The following AHI1 variants were observed in gnomAD, a reference collection of about 807,000 sequenced individuals.
AHI1 encodes the protein jouberin.
AHI1 carries 123 observed loss-of-function variants against 149.3 expected under a neutral mutation model. The ratio of observed to expected loss-of-function variants is 0.82; its 90% CI spans 0.71 to 0.96. AHI1 has a LOEUF of 0.96. Among genes scored for constraint, AHI1 ranks in the 40% least tolerant of loss-of-function variants. The pLI, the probability that AHI1 is intolerant of heterozygous loss-of-function variation, is 0.00. For missense variants in AHI1, 1,439 were observed against 1,422.7 expected (o/e 1.01, Z -0.18); for synonymous variants, 475 against 459.8 (o/e 1.03, Z -0.42).
At chr6:135,353,660 A>G (rs1792509108) in intron 24 of AHI1, among the ~76,000 whole-genome samples, 1 of 152,142 alleles carries the variant, frequency 6.6e-6, no homozygotes, top group African/African-American at 2.4e-5. Flanking sequence ...ACAGCTATTG[A>G]GTAAGTACAG....
intron 23 of AHI1, among the ~76,000 whole-genome samples, chr6:135,361,921 G>C (rs1278835848): frequency 6.6e-6 from 1 of 152,014 alleles, no homozygotes; most frequent in African/African-American, 2.4e-5. Flanking sequence ...GGTGATTTAT[G>C]AGATTTTGTG....
intron 14 of AHI1, 104 bp downstream of exon 14, chr6:135,442,478 G>T: frequency 7.9e-7 from 1 of 1,262,976 alleles, no homozygotes; most frequent in Non-Finnish European, 1.1e-6. Flanking sequence ...TAATTTAGTA[G>T]TACAGGGGAT....
At chr6:135,328,464 C>A (rs1372295176) in intron 24 of AHI1, among the ~76,000 whole-genome samples, 1 of 151,950 alleles carries the variant, frequency 6.6e-6, no homozygotes, top group Non-Finnish European at 1.5e-5. Flanking sequence ...TTTGATGCTA[C>A]CAATGTAATT....
chr6:135,467,904 T>A (rs1033873128), intron 5 of AHI1, among the ~76,000 whole-genome samples: 1 of 152,226 alleles, frequency 6.6e-6, no homozygotes, highest in Non-Finnish European at 1.5e-5. Flanking sequence ...CACATTGTAA[T>A]GTATGCACCT....
intron 23 of AHI1, among the ~76,000 whole-genome samples, chr6:135,376,342 G>A (rs903686880): frequency 6.6e-6 from 1 of 152,152 alleles, no homozygotes; most frequent in African/African-American, 2.4e-5. Context: ...TCATTCCACA[G>A]ATTATTCAAC....
chr6:135,322,728 T>C (rs1263726448), intron 25 of AHI1, among the ~76,000 whole-genome samples: 1 of 152,254 alleles, frequency 6.6e-6, no homozygotes, highest in Non-Finnish European at 1.5e-5. Flanking sequence ...AAACAACTTA[T>C]TGTAGTTTTG....
intron 15 of AHI1, among the ~76,000 whole-genome samples, chr6:135,436,729 G>A (rs992582125): frequency 1.3e-5 from 2 of 152,156 alleles, no homozygotes; most frequent in Admixed American, 6.5e-5. Flanking sequence ...AGCCTCTGAA[G>A]TAGCTGGGAC....
intron 13 of AHI1, 150 bp downstream of exon 13, chr6:135,446,857 CA>C (rs2128055847): frequency 2.7e-6 from 2 of 745,532 alleles, no homozygotes; most frequent in East Asian, 5.3e-5. Flanking sequence ...TATTATTTGT[CA>C]AATTAATTAA....
chr6:135,441,545 C>T lies in AHI1; in HGVS notation c.1912+1037G>A, dbSNP rs942961530. On this transcript the variant is annotated intron_variant, in intron 14 of 28. Transcript: ENST00000265602. ...ACCAAAGACAAAGATTCCTCTTCCT[C>T]CTCTATTTTTGAGATTTAAGCAATA... Among the ~76,000 whole-genome samples the T allele has an allele frequency of 4.0e-5, 6 of 149,310 alleles. No homozygotes were observed. In the South Asian group the frequency reaches 1.2e-3, roughly 31 times the overall value.
chr6:135,435,316 C>A (rs1009431351), intron 15 of AHI1: 1 of 152,090 alleles, frequency 6.6e-6, no homozygotes, highest in African/African-American at 2.4e-5. Flanking sequence ...GCATAATATA[C>A]TACATATTGT....
At chr6:135,450,809 CT>C (rs996717887) in intron 11 of AHI1, among the ~76,000 whole-genome samples, 3 of 152,060 alleles carry the variant, frequency 2.0e-5, no homozygotes, top group Non-Finnish European at 4.4e-5. Flanking sequence ...GGCTTTATTA[CT>C]TTTTAGTTTA....
intron 24 of AHI1, among the ~76,000 whole-genome samples, chr6:135,330,903 G>GAACACACAAGCAA (rs1788490174): frequency 6.6e-6 from 1 of 152,128 alleles, no homozygotes; most frequent in African/African-American, 2.4e-5. Flanking sequence ...AGTGGATTGT[G>GAACACACAAGCAA]AGTAAATCAT....
chr6:135,421,375 A>G (rs543776181), intron 20 of AHI1, among the ~76,000 whole-genome samples: 22 of 152,302 alleles, frequency 1.4e-4, no homozygotes, highest in Admixed American at 3.3e-4. Context: ...AGCACAATAA[A>G]GCAAACACCA....
chr6:135,339,658 C>G (rs187177803), intron 24 of AHI1, among the ~76,000 whole-genome samples: 1 of 151,896 alleles, frequency 6.6e-6, no homozygotes, highest in Non-Finnish European at 1.5e-5. Flanking sequence ...ATAGAATGAA[C>G]AAAAATGAAC....
chr6:135,423,846 C>T (rs1333744435), intron 20 of AHI1, among the ~76,000 whole-genome samples: 1 of 152,014 alleles, frequency 6.6e-6, no homozygotes, highest in Non-Finnish European at 1.5e-5. Context: ...GGAGACATTG[C>T]CACCTAGCGA....
At chr6:135,427,647 T>C (rs534025519) in intron 19 of AHI1, among the ~76,000 whole-genome samples, 1 of 151,652 alleles carries the variant, frequency 6.6e-6, no homozygotes, top group African/African-American at 2.4e-5. Flanking sequence ...CAGAGAACTC[T>C]GGGTAGAACT....
chr6:135,347,691 A>C (rs1292507498), intron 24 of AHI1, among the ~76,000 whole-genome samples: 1 of 152,212 alleles, frequency 6.6e-6, no homozygotes, highest in Non-Finnish European at 1.5e-5. Flanking sequence ...TCAAATTATC[A>C]TAGAGGAAAG....
At chr6:135,390,725 AG>A (rs1183160454) in intron 23 of AHI1, among the ~76,000 whole-genome samples, 5 of 152,360 alleles carry the variant, frequency 3.3e-5, no homozygotes, top group African/African-American at 1.2e-4. Flanking sequence ...GAGTAATAAA[AG>A]TTTTGAGGTC....
intron 26 of AHI1, among the ~76,000 whole-genome samples, chr6:135,311,981 G>T (rs1452323397): frequency 6.6e-6 from 1 of 152,230 alleles, no homozygotes; most frequent in African/African-American, 2.4e-5. Flanking sequence ...TGAAATGCTG[G>T]AAGGTACCTG....
Sources: allele counts gnomAD v4.1 joint callset (sites outside exome capture counted in the v4.1 genomes callset), GRCh38; gene constraint gnomAD v4.1.1; transcripts MANE v1.5; gene names NCBI Gene and HGNC (gene_info 2026-07-23, HGNC 2026-07-21).